Variants in PRIM2 observed in about 807,000 individuals in gnomAD.
PRIM2 encodes the protein DNA primase subunit 2.
A neutral mutation model predicts 67.3 loss-of-function variants in PRIM2; 39 were observed. The observed-to-expected ratio is 0.58, with a 90% confidence interval of 0.45 to 0.76. PRIM2 has a LOEUF of 0.76. Ranked by LOEUF, PRIM2 falls within the 30% of genes least tolerant of loss-of-function variation. PRIM2 has a pLI of 0.00. For missense variants in PRIM2, 398 were observed against 598.7 expected, an observed-to-expected ratio of 0.66 and a Z score of 3.50; for synonymous variants, 143 against 198.7, an observed-to-expected ratio of 0.72 and a Z score of 2.36.
chr6:57,580,586 T>G (rs1402171968), intron 10 of PRIM2, among the ~76,000 whole-genome samples: 1 of 152,186 alleles, frequency 6.6e-6, no homozygotes, highest in African/African-American at 2.4e-5. Context: ...CAAGGCCTAT[T>G]TGTTCACATT....
At chr6:57,611,008 C>A (rs1776656539) in intron 12 of PRIM2, among the ~76,000 whole-genome samples, 2 of 151,968 alleles carry the variant, frequency 1.3e-5, no homozygotes, top group South Asian at 2.1e-4. Flanking sequence ...AGCAATAAAG[C>A]AAGAAAAACA....
chr6:57,506,304 T>G (rs1252107002), intron 7 of PRIM2, among the ~76,000 whole-genome samples: 10 of 152,030 alleles, frequency 6.6e-5, no homozygotes, highest in African/African-American at 1.7e-4. Context: ...TTTGGTCAAC[T>G]TTTTTTCAAA....
intron 5 of PRIM2, among the ~76,000 whole-genome samples, chr6:57,369,676 T>C (rs1190857224): frequency 1.3e-5 from 2 of 152,212 alleles, no homozygotes; most frequent in Non-Finnish European, 2.9e-5. Flanking sequence ...TTTATACACC[T>C]CTTTTTAGGA....
Position 57,370,693 on chromosome 6 carries a change from CT to C in PRIM2, c.460-9189del, listed in dbSNP as rs66953171. On this transcript the variant is annotated intron_variant, in intron 5 of 13. Transcript: ENST00000615550. ...GAATTCCTTAGAATTCTATCTATAG[CT>C]TTTTTTTTTTTTTTTTTTGAGATGG... 9.0e-3 allele frequency among the ~76,000 whole-genome samples: 1,093 copies of C among 121,974 alleles called. 6 individuals carry two copies. The highest frequency in any genetic ancestry group is 0.027 in the African/African-American group (899 of 33,652). The allele number at this position is 121,974 out of a possible 152,430, so 80.0% of individuals were successfully genotyped here. A position where few individuals can be genotyped will look rare whatever the true frequency, so the allele number is the denominator to read the frequency against.
chr6:57,394,401 GTATTT>G (rs1770453401), intron 7 of PRIM2, among the ~76,000 whole-genome samples: 1 of 152,028 alleles, frequency 6.6e-6, no homozygotes, highest in Non-Finnish European at 1.5e-5. Flanking sequence ...ATATTCTTAA[GTATTT>G]TATTTTATTT....
At chr6:57,281,954 T>A in the PRIM2 span, among the ~76,000 whole-genome samples, 3 of 152,192 alleles carry the variant, frequency 2.0e-5, no homozygotes, top group African/African-American at 7.2e-5. Flanking sequence ...TATGCTCAAT[T>A]CTAAAGTCCT....
chr6:57,484,035 AG>A (rs1446649666), intron 7 of PRIM2, among the ~76,000 whole-genome samples: 1 of 152,200 alleles, frequency 6.6e-6, no homozygotes, highest in Non-Finnish European at 1.5e-5. Context: ...AAATAGTACT[AG>A]GCCTTACTTC....
intron 9 of PRIM2, among the ~76,000 whole-genome samples, chr6:57,536,756 A>G (rs1775011068): frequency 1.3e-5 from 2 of 152,250 alleles, no homozygotes; most frequent in South Asian, 4.1e-4. Flanking sequence ...TGATTCTATT[A>G]TACTCTTGAA....
chr6:57,310,842 C>T (rs895968428), upstream of PRIM2, among the ~76,000 whole-genome samples: 1 of 149,142 alleles, frequency 6.7e-6, no homozygotes, highest in Non-Finnish European at 1.5e-5. Context: ...AGAGACTCCC[C>T]TCACCTCCCA....
chr6:57,288,021 A>C, the PRIM2 span, among the ~76,000 whole-genome samples: 5 of 152,168 alleles, frequency 3.3e-5, no homozygotes, highest in African/African-American at 1.2e-4. Context: ...GTTCCTAGTC[A>C]AGGGAAGCTG....
At chr6:57,310,002 A>G (rs1767351416), upstream of PRIM2, among the ~76,000 whole-genome samples, 1 of 152,160 alleles carries the variant, frequency 6.6e-6, no homozygotes, top group Non-Finnish European at 1.5e-5. Flanking sequence ...CAGAGTGAAC[A>G]GGCAACCTAC....
At chr6:57,493,451 C>T (rs1773941323) in intron 7 of PRIM2, among the ~76,000 whole-genome samples, 1 of 152,160 alleles carries the variant, frequency 6.6e-6, no homozygotes, top group Non-Finnish European at 1.5e-5. Flanking sequence ...TGATAGTTCA[C>T]ATGAGAGCAC....
chr6:57,644,170 CT>C (rs1777294374), intron 13 of PRIM2, among the ~76,000 whole-genome samples: 1 of 152,152 alleles, frequency 6.6e-6, no homozygotes, highest in Non-Finnish European at 1.5e-5. Context: ...CCCTGCCTGT[CT>C]TTCCAACCTC....
At chr6:57,615,799 C>T (rs1435509871) in intron 12 of PRIM2, among the ~76,000 whole-genome samples, 1 of 152,108 alleles carries the variant, frequency 6.6e-6, no homozygotes, top group Non-Finnish European at 1.5e-5. Flanking sequence ...GAGGCTGAAG[C>T]AGGAAGCTCG....
At chr6:57,264,534 G>T in the PRIM2 span, among the ~76,000 whole-genome samples, 1 of 149,808 alleles carries the variant, frequency 6.7e-6, no homozygotes, top group Admixed American at 6.7e-5. Context: ...CTGGTAAACA[G>T]TTGCAACCCC....
chr6:57,426,269 A>G (rs1771621664), intron 7 of PRIM2, among the ~76,000 whole-genome samples: 1 of 152,146 alleles, frequency 6.6e-6, no homozygotes, highest in Non-Finnish European at 1.5e-5. Context: ...CCAAGCAACC[A>G]CTGAGTGATT....
intron 7 of PRIM2, among the ~76,000 whole-genome samples, chr6:57,498,408 T>C (rs1774053292): frequency 6.6e-6 from 1 of 152,176 alleles, no homozygotes; most frequent in Non-Finnish European, 1.5e-5. Flanking sequence ...TCCATTAAAA[T>C]AAACGTAAAT....
intron 5 of PRIM2, among the ~76,000 whole-genome samples, chr6:57,338,958 A>C (rs1034189460): frequency 6.6e-6 from 1 of 152,226 alleles, no homozygotes; most frequent in African/African-American, 2.4e-5. Context: ...AGAAAACAAC[A>C]TTGTCTCAGC....
At chr6:57,535,248 A>C in intron 9 of PRIM2, among the ~76,000 whole-genome samples, 1 of 152,312 alleles carries the variant, frequency 6.6e-6, no homozygotes, top group South Asian at 2.1e-4. Flanking sequence ...TAGCAGAGTG[A>C]GAAAAATGAG....
Sources: allele counts gnomAD v4.1 joint callset (sites outside exome capture counted in the v4.1 genomes callset), GRCh38; gene constraint gnomAD v4.1.1; transcripts MANE v1.5; gene names NCBI Gene and HGNC (gene_info 2026-07-23, HGNC 2026-07-21).